Variants in AFF3 observed in about 807,000 individuals in gnomAD.
The protein encoded by AFF3 is ALF transcription elongation factor 3, also known as AF4/FMR2 family member 3.
AFF3 carries 32 observed loss-of-function variants against 129.7 expected under a neutral mutation model. That is an observed-to-expected ratio of 0.25 (90% confidence interval 0.19 to 0.33). The LOEUF is 0.33. Among genes scored for constraint, AFF3 ranks in the 10% least tolerant of loss-of-function variants. The pLI is 1.00. For missense variants in AFF3, 1,373 were observed against 1,592.0 expected (o/e 0.86, Z 2.34); for synonymous variants, 644 against 635.4 (o/e 1.01, Z -0.20).
At chr2:100,106,590 G>T (rs914082090) in intron 2 of AFF3, 6 of 989,424 alleles carry the variant, frequency 6.1e-6, no homozygotes, top group Non-Finnish European at 7.2e-6. Context: ...AGCAGGAACA[G>T]CCCCTGTCTG....
chr2:99,594,374 A>G, intron 14 of AFF3, 85 bp from the exon 15 acceptor site: 1 of 1,514,684 alleles, frequency 6.6e-7, no homozygotes, highest in Non-Finnish European at 8.9e-7. Flanking sequence ...ATCTTGACTT[A>G]CTTCTCTAAG....
Position 99,582,957 on chromosome 2 carries a change from C to T in AFF3, c.2634G>A (p.Ser878=), listed in dbSNP as rs537794744. ...PINKNEKMLR[S]PISPLSDASK... Reference sequence around the variant, plus strand: ...ATGCATCAGAGAGGGGTGAGATGGGCGACCGAAGCATTTTTTCATTTTTAT... The same window carrying T: ...ATGCATCAGAGAGGGGTGAGATGGGTGACCGAAGCATTTTTTCATTTTTAT... The change falls in exon 17 of 25, where the codon TCG becomes TCA. Residue 878 remains serine (S), a synonymous_variant. Transcript: ENST00000672756. The T allele has an allele frequency of 3.5e-5, 56 of 1,613,972 alleles. No individual in the cohort carries two copies. The highest frequency in any genetic ancestry group is 3.3e-4 in the South Asian group (30 of 91,066).
intron 9 of AFF3, among the ~76,000 whole-genome samples, chr2:99,744,564 C>G (rs1436549522): frequency 6.6e-6 from 1 of 152,086 alleles, no homozygotes; most frequent in Non-Finnish European, 1.5e-5. Context: ...TGCCCCAGCC[C>G]CTCACAACCA....
intron 10 of AFF3, among the ~76,000 whole-genome samples, chr2:99,740,832 G>T (rs1445034427): frequency 2.0e-5 from 3 of 152,084 alleles, no homozygotes; most frequent in African/African-American, 7.2e-5. Context: ...GATGCCATTT[G>T]TCAATTTTGG....
At chr2:99,738,307 C>A (rs1034229177) in intron 10 of AFF3, among the ~76,000 whole-genome samples, 2 of 151,896 alleles carry the variant, frequency 1.3e-5, no homozygotes, top group Non-Finnish European at 1.5e-5. Flanking sequence ...TATTTTCCAT[C>A]TGTGTTTTGC....
rs868392329 is a variant in AFF3, at chr2:99,720,703, T to G, written c.1091+6374A>C. Among the ~76,000 whole-genome samples, 2 of 152,260 alleles carry G rather than the reference T, an allele frequency of 1.3e-5. 1 individual carries two copies. Among genetic ancestry groups the G allele is most frequent in the South Asian group, 4.1e-4 (2 of 4,830 alleles). ...GTTTTCTATTGATACCTTCTGTTTT[T>G]CATTTCTGGTCTTTCTTTCCCGCCA... On this transcript the variant is annotated intron_variant, in intron 11 of 24. Transcript: ENST00000672756.
At chr2:99,806,451 C>T (rs1182685507) in intron 8 of AFF3, among the ~76,000 whole-genome samples, 2 of 152,114 alleles carry the variant, frequency 1.3e-5, no homozygotes, top group Admixed American at 6.5e-5. Flanking sequence ...TGTGCCAGGA[C>T]CCCAGGAGCA....
chr2:99,963,060 T>C (rs886137475), intron 7 of AFF3, among the ~76,000 whole-genome samples: 2 of 151,974 alleles, frequency 1.3e-5, no homozygotes, highest in African/African-American at 4.8e-5. Context: ...AAAAGGTGCA[T>C]TACCTCTAGG....
chr2:99,876,550 C>T (rs528684982), intron 7 of AFF3, among the ~76,000 whole-genome samples: 1 of 152,240 alleles, frequency 6.6e-6, no homozygotes, highest in East Asian at 1.9e-4. Flanking sequence ...GCCTGTGTCC[C>T]ACTTTCCATT....
intron 10 of AFF3, among the ~76,000 whole-genome samples, chr2:99,736,879 G>C (rs1680308890): frequency 6.6e-6 from 1 of 152,060 alleles, no homozygotes; most frequent in African/African-American, 2.4e-5. Flanking sequence ...CAAACTGCTG[G>C]GATTACAGGC....
chr2:99,758,204 T>C (rs1001071798), intron 8 of AFF3, among the ~76,000 whole-genome samples: 2 of 152,190 alleles, frequency 1.3e-5, no homozygotes, highest in Non-Finnish European at 2.9e-5. Context: ...TCCTGATTGG[T>C]TCTCTGTCTT....
chr2:100,020,749 T>C (rs993745872), intron 4 of AFF3, among the ~76,000 whole-genome samples: 1 of 152,232 alleles, frequency 6.6e-6, no homozygotes, highest in Non-Finnish European at 1.5e-5. Flanking sequence ...CCTTCTGCAC[T>C]GCCAACTCCT....
At chr2:99,761,991 G>GT (rs1247470576) in intron 8 of AFF3, among the ~76,000 whole-genome samples, 1 of 151,950 alleles carries the variant, frequency 6.6e-6, no homozygotes, top group African/African-American at 2.4e-5. Context: ...CCCCCATCTT[G>GT]TTTCTCTTTT....
At chr2:100,042,877 T>C (rs1248700916) in intron 4 of AFF3, among the ~76,000 whole-genome samples, 3 of 152,334 alleles carry the variant, frequency 2.0e-5, no homozygotes, top group East Asian at 3.9e-4. Context: ...TGTTAAAATA[T>C]TATTTTAGCT....
intron 8 of AFF3, among the ~76,000 whole-genome samples, chr2:99,835,631 G>A (rs933094682): frequency 6.6e-5 from 10 of 152,060 alleles, no homozygotes; most frequent in African/African-American, 1.9e-4. Context: ...CTCAACTAGC[G>A]CCACCATCAT....
At chr2:100,010,420 T>C (rs552342718) in intron 4 of AFF3, among the ~76,000 whole-genome samples, 8 of 152,176 alleles carry the variant, frequency 5.3e-5, no homozygotes, top group Non-Finnish European at 1.0e-4. Flanking sequence ...TAAGGGGTGA[T>C]GCGATACTAA....
chr2:99,548,348 G>A lies in AFF3; in HGVS notation c.*3126C>T, dbSNP rs1674175477. 3 of 201,104 alleles carry A rather than the reference G, an allele frequency of 1.5e-5. No homozygotes were observed. The highest frequency in any genetic ancestry group is 1.9e-4 in the South Asian group (1 of 5,256). 12.5% of individuals were successfully genotyped at this position (201,104 alleles called of 1,614,324 possible). A position where few individuals can be genotyped will look rare whatever the true frequency, so the allele number is the denominator to read the frequency against. On this transcript the variant is annotated 3_prime_UTR_variant, in exon 25 of 25. Coordinates refer to ENST00000672756, the MANE Select transcript of AFF3 (RefSeq NM_001386135.1). ...TTGTCTCAGGCAGAAGGGACAACCA[G>A]GGACTTACACTTTCTACTTTCTACA... is the stretch of plus-strand genomic sequence containing the variant.
Position 99,848,811 on chromosome 2 carries a change from A to G in AFF3, c.874-11287T>C, listed in dbSNP as rs537482833. Among the ~76,000 whole-genome samples, 13 of 152,336 alleles carry G rather than the reference A, an allele frequency of 8.5e-5. No individual in the cohort carries two copies. The South Asian group carries it at 2.5e-3, about 29-fold the overall frequency. ...CAGTTATCTCTCGAATCTCCTCTCC[A>G]ACATAATCACGCTAAGGAATAATAT... On this transcript the variant is annotated intron_variant, in intron 7 of 24. Transcript: ENST00000672756.
At chr2:99,551,665 A>T in intron 24 of AFF3, 70 bp from the exon 25 acceptor site, 2 of 1,587,732 alleles carry the variant, frequency 1.3e-6, no homozygotes, top group Non-Finnish European at 1.7e-6. Context: ...AACTGATGTA[A>T]GGAAAAATTC....
Sources: gnomAD v4.1 joint callset for allele counts (sites outside exome capture counted in the v4.1 genomes callset) on GRCh38, gnomAD v4.1.1 for gene constraint, MANE v1.5 for transcripts, NCBI Gene and HGNC (gene_info 2026-07-23, HGNC 2026-07-21) for gene names.